The following SCYL2 variants were observed in gnomAD, a reference collection of about 807,000 sequenced individuals.
SCYL2 encodes SCY1-like protein 2.
SCYL2 carries 36 observed loss-of-function variants against 100.4 expected under a neutral mutation model. That is an observed-to-expected ratio of 0.36 (90% CI 0.27 to 0.47). The LOEUF is 0.47. Among genes scored for constraint, SCYL2 ranks in the 20% least tolerant of loss-of-function variants. The pLI, the probability that SCYL2 is intolerant of heterozygous loss-of-function variation, is 1.00. For synonymous variants in SCYL2, 330 were observed against 359.2 expected, an observed-to-expected ratio of 0.92 and a Z score of 0.92; for missense variants, 902 against 1,083.9, an observed-to-expected ratio of 0.83 and a Z score of 2.36.
At chr12:100,327,197 CAGAG>C (rs1202897966) in intron 12 of SCYL2, 5 of 405,948 alleles carry the variant, frequency 1.2e-5, no homozygotes, top group Admixed American at 8.1e-5. Context: ...AACTGAGGCT[CAGAG>C]AGGTAAAATA....
intron 13 of SCYL2, among the ~76,000 whole-genome samples, chr12:100,331,581 C>A (rs1952209516): frequency 6.6e-6 from 1 of 152,100 alleles, no homozygotes; most frequent in Non-Finnish European, 1.5e-5. Flanking sequence ...GCACTCCAGC[C>A]TGGATGACAA....
intron 6 of SCYL2, among the ~76,000 whole-genome samples, chr12:100,312,934 C>G (rs1181183227): frequency 1.3e-5 from 2 of 151,814 alleles, no homozygotes; most frequent in Non-Finnish European, 2.9e-5. Flanking sequence ...GCCTGGGTAA[C>G]ATGGCCAAAC....
At chr12:100,306,392 A>G (rs1358944681) in intron 4 of SCYL2, among the ~76,000 whole-genome samples, 1 of 152,240 alleles carries the variant, frequency 6.6e-6, no homozygotes, top group Non-Finnish European at 1.5e-5. Flanking sequence ...AACAGAACCA[A>G]TGACAAAAAC....
At chr12:100,294,834 G>A (rs1473764915) in intron 3 of SCYL2, among the ~76,000 whole-genome samples, 1 of 150,314 alleles carries the variant, frequency 6.7e-6, no homozygotes, top group South Asian at 2.1e-4. Context: ...GGTGGCTGCT[G>A]GGCGGAGACG....
At chr12:100,336,462 T>C (rs981504560) in intron 16 of SCYL2, among the ~76,000 whole-genome samples, 1 of 152,172 alleles carries the variant, frequency 6.6e-6, no homozygotes. Flanking sequence ...GTCAGTTATT[T>C]GGTAGCATGG....
In SCYL2 at chr12:100,299,896, T is replaced by A. The variant is rs571379565; in HGVS notation, c.480+1721T>A. 3.3e-5 allele frequency among the ~76,000 whole-genome samples: 5 copies of A among 152,318 alleles called. No individual in the cohort carries two copies. The East Asian group carries it at 9.6e-4, about 29-fold the overall frequency. ...AGTACTTGGGAGAGGAATGGCTAGA[T>A]CAAATAGTATGTGTATGATTCACTT... is the stretch of plus-strand genomic sequence containing the variant. On this transcript the variant is annotated intron_variant, in intron 4 of 17. Transcript: ENST00000360820.
intron 6 of SCYL2, among the ~76,000 whole-genome samples, chr12:100,313,056 G>A (rs2096344106): frequency 6.6e-6 from 1 of 152,218 alleles, no homozygotes; most frequent in African/African-American, 2.4e-5. Context: ...TTGAGCCTGG[G>A]AGTTTGGGGC....
chr12:100,284,310 C>T (rs1303558058), intron 2 of SCYL2, among the ~76,000 whole-genome samples: 1 of 152,164 alleles, frequency 6.6e-6, no homozygotes, highest in African/African-American at 2.4e-5. Context: ...ACACCATTCT[C>T]AACTGCTGAC....
Position 100,308,107 on chromosome 12 carries a change from A to C in SCYL2, c.481-2937A>C, listed in dbSNP as rs147954885. Among the ~76,000 whole-genome samples the C allele has an allele frequency of 7.5e-4, 114 of 152,278 alleles. 1 individual carries two copies. The highest frequency in any genetic ancestry group is 7.1e-4 in the Non-Finnish European group (48 of 68,024). ...ATTCCTCAAGGATCTAGAACCAAAA[A>C]TACCATTTGACCCAGCAATCTCATT... On this transcript the variant is annotated intron_variant, in intron 4 of 17. Coordinates refer to ENST00000360820, the MANE Select transcript of SCYL2 (RefSeq NM_017988.6).
intron 10 of SCYL2, among the ~76,000 whole-genome samples, chr12:100,320,897 C>CTTAA (rs59131617): frequency 3.9e-4 from 59 of 152,100 alleles, no homozygotes; most frequent in Non-Finnish European, 7.1e-4. Flanking sequence ...ATCTGTGGTC[C>CTTAA]TTAATTAATT....
intron 3 of SCYL2, among the ~76,000 whole-genome samples, chr12:100,295,299 G>C (rs1202710544): frequency 2.0e-5 from 3 of 151,944 alleles, no homozygotes; most frequent in South Asian, 2.1e-4. Flanking sequence ...ACGGGGTGGC[G>C]GCCGGGCAGA....
intron 1 of SCYL2, among the ~76,000 whole-genome samples, chr12:100,275,814 A>G (rs985669670): frequency 5.9e-5 from 9 of 152,254 alleles, no homozygotes; most frequent in African/African-American, 2.2e-4. Flanking sequence ...AGCTGTAATT[A>G]TTCAAAGATG....
intron 4 of SCYL2, among the ~76,000 whole-genome samples, chr12:100,305,006 AGTCC>A (rs2096332521): frequency 6.6e-6 from 1 of 152,206 alleles, no homozygotes; most frequent in African/African-American, 2.4e-5. Flanking sequence ...ACATAAAGCA[AGTCC>A]TTAGAGACCT....
At chr12:100,282,561 G>A (rs111717948) in intron 1 of SCYL2, among the ~76,000 whole-genome samples, 6,311 of 152,092 alleles carry the variant, frequency 0.041, 475 homozygotes, top group African/African-American at 0.14. Context: ...CTGACCTCAG[G>A]TGATCCGCTT....
chr12:100,288,734 G>C (rs1162188070), intron 2 of SCYL2, among the ~76,000 whole-genome samples: 1 of 151,786 alleles, frequency 6.6e-6, no homozygotes, highest in African/African-American at 2.4e-5. Context: ...CTACTCGGGA[G>C]ACTGAGGTGA....
intron 4 of SCYL2, among the ~76,000 whole-genome samples, chr12:100,301,129 G>T (rs1034700893): frequency 6.6e-6 from 1 of 152,152 alleles, no homozygotes; most frequent in Non-Finnish European, 1.5e-5. Context: ...GTGTACGAGG[G>T]TTCTATATTC....
chr12:100,322,010 T>G (rs2096356265), intron 10 of SCYL2, among the ~76,000 whole-genome samples: 1 of 137,220 alleles, frequency 7.3e-6, no homozygotes, highest in Non-Finnish European at 1.5e-5. Flanking sequence ...AATTTGCCAC[T>G]GCACTCCACC....
Position 100,339,205 on chromosome 12 carries a change from A to C in SCYL2, c.*33A>C. 6.3e-7 allele frequency: 1 copy of C among 1,581,574 alleles called. No homozygotes were observed. The highest frequency in any genetic ancestry group is 8.6e-7 in the Non-Finnish European group (1 of 1,164,516). On this transcript the variant is annotated 3_prime_UTR_variant, in exon 18 of 18. Transcript: ENST00000360820. Reference sequence around the variant, plus strand: ...TACTTCTATTTTGAAGGATTATTTCAGTTTCAATCATGGGTGAGCTGATTT... The same window carrying C: ...TACTTCTATTTTGAAGGATTATTTCCGTTTCAATCATGGGTGAGCTGATTT...
At chr12:100,275,385 G>A (rs2096291497) in intron 1 of SCYL2, among the ~76,000 whole-genome samples, 1 of 151,860 alleles carries the variant, frequency 6.6e-6, no homozygotes, top group Non-Finnish European at 1.5e-5. Flanking sequence ...AAAACTTTTT[G>A]GAGTCTTGAT....
Sources: allele counts gnomAD v4.1 joint callset (sites outside exome capture counted in the v4.1 genomes callset), GRCh38; gene constraint gnomAD v4.1.1; transcripts MANE v1.5; gene names NCBI Gene and HGNC (gene_info 2026-07-23, HGNC 2026-07-21).